The following MEP1B variants were observed in gnomAD, a reference collection of about 807,000 sequenced individuals.
MEP1B encodes the protein meprin A subunit beta.
A neutral mutation model predicts 84.6 loss-of-function variants in MEP1B; 80 were observed. The observed-to-expected ratio is 0.95, with a 90% CI of 0.79 to 1.14. MEP1B has a LOEUF of 1.14. Among genes scored for constraint, MEP1B ranks in the 50% most tolerant of loss-of-function variants. The pLI is 0.00. For missense variants in MEP1B, 766 were observed against 855.1 expected (o/e 0.90, Z 1.30); for synonymous variants, 273 against 288.1 (o/e 0.95, Z 0.53).
In MEP1B at chr18:32,196,789, C is replaced by T. The variant is rs146610085; in HGVS notation, c.250+1304C>T. The T allele has an allele frequency of 1.4e-3, 919 of 657,506 alleles. 1 individual carries two copies. Among genetic ancestry groups the T allele is most frequent in the Non-Finnish European group, 1.6e-3 (563 of 360,480 alleles). 40.7% of individuals were successfully genotyped at this position (657,506 alleles called of 1,614,324 possible). A position where few individuals can be genotyped will look rare whatever the true frequency, so the allele number is the denominator to read the frequency against. ...TTTTCCTGGATGGTGTTGGGGTGCTCGATGCCCATCACCCGCACGCTCATC... is the reference window on the plus strand; with the variant it reads ...TTTTCCTGGATGGTGTTGGGGTGCTTGATGCCCATCACCCGCACGCTCATC... On this transcript the variant is annotated intron_variant, in intron 5 of 14. Transcript: ENST00000269202. This position sits in a 1 kb window ranked among gnomAD's most constrained non-coding sequence, Gnocchi z 4.4.
Position 32,215,091 on chromosome 18 carries a change from A to T in MEP1B, c.1589A>T (p.Asn530Ile). The T allele has an allele frequency of 6.3e-7, 1 of 1,590,852 alleles. No individual in the cohort carries two copies. Among genetic ancestry groups the T allele is most frequent in the South Asian group, 1.1e-5 (1 of 87,780 alleles). ...TAAATTGCTTTTTCAGATAATGGAAACTATTTCTGGGACAGGCCTTCTAAA... is the reference window on the plus strand; with the variant it reads ...TAAATTGCTTTTTCAGATAATGGAATCTATTTCTGGGACAGGCCTTCTAAA... ...TDPFMTTDNG[N>I]YFWDRPSKVG... is the part of the protein sequence containing the mutation. The change falls in exon 12 of 15, where the codon AAC becomes ATC. Residue 530 changes from asparagine (N) to isoleucine (I), a missense_variant. Transcript: ENST00000269202.
At chr18:32,209,262 G>A (rs550661558) in intron 9 of MEP1B, among the ~76,000 whole-genome samples, 8 of 152,270 alleles carry the variant, frequency 5.3e-5, no homozygotes, top group African/African-American at 1.9e-4. Flanking sequence ...CAAGGTGGGC[G>A]GATTACCTGA....
At chr18:32,197,898 C>T (rs1165320051) in intron 5 of MEP1B, among the ~76,000 whole-genome samples, 1 of 152,184 alleles carries the variant, frequency 6.6e-6, no homozygotes, top group Non-Finnish European at 1.5e-5. Flanking sequence ...TCCCTTTCCC[C>T]TCTTGTAGTC....
chr18:32,215,011 C>T, intron 11 of MEP1B, 71 bp from the exon 12 acceptor site: 2 of 1,086,202 alleles, frequency 1.8e-6, no homozygotes, highest in South Asian at 2.8e-5. Flanking sequence ...TTTCACATTG[C>T]CTGTTCTTTC....
chr18:32,215,140 T>G lies in MEP1B; in HGVS notation c.1638T>G (p.Ser546=). ...PSKVGTVALF[S]NGTQFRRGGG... ...AAGTGGGAACAGTGGCTTTGTTCTC[T>G]AATGGAACTCAGTTTAGAAGAGGTG... Residue 546 remains serine, a synonymous_variant, in exon 12 of 15, where the codon TCT becomes TCG. Coordinates refer to ENST00000269202, the MANE Select transcript of MEP1B (RefSeq NM_005925.3). The G allele has an allele frequency of 1.2e-6, 2 of 1,609,482 alleles. No individual in the cohort carries two copies. Among genetic ancestry groups the G allele is most frequent in the Non-Finnish European group, 1.7e-6 (2 of 1,177,340 alleles).
In MEP1B at chr18:32,196,173, C is replaced by A. The variant is rs888980007; in HGVS notation, c.250+688C>A. 1 of 625,568 alleles carries A rather than the reference C, an allele frequency of 1.6e-6. No homozygotes were observed. Among genetic ancestry groups the A allele is most frequent in the Non-Finnish European group, 3.0e-6 (1 of 332,802 alleles). The allele number at this position is 625,568 out of a possible 1,614,324, so 38.8% of individuals were successfully genotyped here. A position where few individuals can be genotyped will look rare whatever the true frequency, so the allele number is the denominator to read the frequency against. ...TGGCCTTCTGGAGCTGGTGTCACTG[C>A]GCCACCTCGGCTTTCAGACTCTCCA... On this transcript the variant is annotated intron_variant, in intron 5 of 14. Transcript: ENST00000269202. This position sits in a 1 kb window ranked among gnomAD's most constrained non-coding sequence, Gnocchi z 4.4.
chr18:32,216,574 C>T (rs1004157444), intron 12 of MEP1B, among the ~76,000 whole-genome samples: 20 of 152,222 alleles, frequency 1.3e-4, no homozygotes, highest in African/African-American at 4.6e-4. Context: ...TTGTACCCTT[C>T]TGGGCTCCCA....
chr18:32,210,785 G>C, intron 10 of MEP1B, 69 bp downstream of exon 10: 1 of 1,326,864 alleles, frequency 7.5e-7, no homozygotes, highest in Non-Finnish European at 1.1e-6. Context: ...TTTAGTTAAT[G>C]CAACAATTTA....
chr18:32,199,148 G>A (rs2040884095), intron 5 of MEP1B, among the ~76,000 whole-genome samples: 3 of 152,192 alleles, frequency 2.0e-5, no homozygotes, highest in Admixed American at 2.0e-4. Flanking sequence ...AGTCACTGTG[G>A]TGGAGATACC....
In MEP1B at chr18:32,196,775, G is replaced by A; in HGVS notation, c.250+1290G>A. On this transcript the variant is annotated intron_variant, in intron 5 of 14. Transcript: ENST00000269202. The surrounding 1 kb of genome is among the most constrained non-coding windows in gnomAD (Gnocchi z 4.4). ...GGGCCAGGTGCATGTTTTCCTGGAT[G>A]GTGTTGGGGTGCTCGATGCCCATCA... The A allele has an allele frequency of 1.5e-6, 1 of 659,680 alleles. No individual in the cohort carries two copies. The highest frequency in any genetic ancestry group is 2.8e-6 in the Non-Finnish European group (1 of 362,838). 40.9% of individuals were successfully genotyped at this position (659,680 alleles called of 1,614,324 possible). A position where few individuals can be genotyped will look rare whatever the true frequency, so the allele number is the denominator to read the frequency against.
intron 10 of MEP1B, 59 bp from the exon 11 acceptor site, chr18:32,213,057 G>C: frequency 3.4e-6 from 5 of 1,477,184 alleles, no homozygotes; most frequent in Non-Finnish European, 3.7e-6. Flanking sequence ...GAAATCTAAT[G>C]TTGACATGTA....
At chr18:32,194,567 G>C (rs1160287105) in intron 4 of MEP1B, among the ~76,000 whole-genome samples, 1 of 151,656 alleles carries the variant, frequency 6.6e-6, no homozygotes, top group Non-Finnish European at 1.5e-5. Context: ...TCAGGCTACT[G>C]GTCTCAACAC....
chr18:32,213,104 ACT>A lies in MEP1B; in HGVS notation c.1136-9_1136-8del, dbSNP rs1323895218. On this transcript the variant is annotated splice_polypyrimidine_tract_variant and intron_variant, in intron 10 of 14. Transcript: ENST00000269202. ...CTTCTTTGTCTTTGAAATAATAATG[ACT>A]CTTTTGCAGAAATACCCACTGGGAG... 6.2e-7 allele frequency: 1 copy of A among 1,606,552 alleles called. No individual in the cohort carries two copies. The highest frequency in any genetic ancestry group is 8.5e-7 in the Non-Finnish European group (1 of 1,174,244).
At chr18:32,191,907 T>C in intron 2 of MEP1B, 67 bp downstream of exon 2, 1 of 890,460 alleles carries the variant, frequency 1.1e-6, no homozygotes, top group South Asian at 1.6e-5. Context: ...CTAAACATCA[T>C]ACATAATTAC....
chr18:32,200,552 T>G (rs1363050069), intron 5 of MEP1B, among the ~76,000 whole-genome samples: 1 of 152,182 alleles, frequency 6.6e-6, no homozygotes, highest in African/African-American at 2.4e-5. Flanking sequence ...CTAAGAAAAT[T>G]ACTAAGCAAG....
At chr18:32,220,084 G>A (rs2041134752) in intron 14 of MEP1B, 147 bp from the exon 15 acceptor site, 1 of 675,242 alleles carries the variant, frequency 1.5e-6, no homozygotes, top group South Asian at 1.9e-5. Flanking sequence ...TGGAGACCAG[G>A]AGCAGGAGCC....
chr18:32,196,485 G>A lies in MEP1B; in HGVS notation c.250+1000G>A. 1.4e-6 allele frequency: 1 copy of A among 695,436 alleles called. No homozygotes were observed. The highest frequency in any genetic ancestry group is 1.5e-5 in the South Asian group (1 of 67,454). 43.1% of individuals were successfully genotyped at this position (695,436 alleles called of 1,614,324 possible). On this transcript the variant is annotated intron_variant, in intron 5 of 14. Coordinates refer to ENST00000269202, the MANE Select transcript of MEP1B (RefSeq NM_005925.3). The surrounding 1 kb of genome is among the most constrained non-coding windows in gnomAD (Gnocchi z 4.4). ...TGCTGCAGGGCCGACCGGAAACTCA[G>A]CTTTGCTCTCATAGACCGAGGTGAT... is the stretch of plus-strand genomic sequence containing the variant.
intron 7 of MEP1B, among the ~76,000 whole-genome samples, chr18:32,205,572 C>T (rs1209238701): frequency 6.6e-6 from 1 of 152,174 alleles, no homozygotes; most frequent in Non-Finnish European, 1.5e-5. Context: ...CTTTAATCCA[C>T]AGCCACACTC....
Position 32,208,233 on chromosome 18 carries a change from G to C in MEP1B, c.881G>C (p.Gly294Ala). The C allele has an allele frequency of 1.9e-6, 3 of 1,613,868 alleles. No individual in the cohort carries two copies. Among genetic ancestry groups the C allele is most frequent in the Non-Finnish European group, 1.7e-6 (2 of 1,179,818 alleles). Residue 294 changes from glycine (G) to alanine (A), a missense_variant, in exon 9 of 15, where the codon GGG becomes GCG. Transcript: ENST00000269202. ...DWQRVSQVPRGPESDHSNMGQ... is the reference protein window; with the variant it reads ...DWQRVSQVPRAPESDHSNMGQ... ...CAACGGGTTTCACAGGTTCCCAGGGGGCCAGAGAGTGATCACTCCAACATG... is the reference window on the plus strand; with the variant it reads ...CAACGGGTTTCACAGGTTCCCAGGGCGCCAGAGAGTGATCACTCCAACATG...
Sources: allele counts gnomAD v4.1 joint callset (sites outside exome capture counted in the v4.1 genomes callset), GRCh38; gene constraint gnomAD v4.1.1; non-coding constraint Gnocchi (gnomAD v3.1); transcripts MANE v1.5; gene names NCBI Gene and HGNC (gene_info 2026-07-23, HGNC 2026-07-21).